The following RXYLT1 variants were observed in gnomAD, a reference collection of about 807,000 sequenced individuals.
RXYLT1 encodes the protein ribitol-5-phosphate xylosyltransferase 1.
A neutral mutation model predicts 43.5 loss-of-function variants in RXYLT1; 41 were observed. The observed-to-expected ratio is 0.94, with a 90% CI of 0.73 to 1.22. The LOEUF is 1.22. Among genes scored for constraint, RXYLT1 ranks in the 50% most tolerant of loss-of-function variants. The pLI is 0.00. For missense variants in RXYLT1, 514 were observed against 532.0 expected (o/e 0.97, Z 0.33); for synonymous variants, 166 against 194.4 (o/e 0.85, Z 1.21).
intron 3 of RXYLT1, chr12:63,795,694 G>C (rs1898016618): frequency 1.3e-5 from 2 of 151,236 alleles, no homozygotes; most frequent in Non-Finnish European, 2.9e-5. Flanking sequence ...TATAATAATT[G>C]AACCCAATAT....
At chr12:63,792,079 C>T (rs1251208591) in intron 3 of RXYLT1, among the ~76,000 whole-genome samples, 3 of 152,180 alleles carry the variant, frequency 2.0e-5, no homozygotes, top group Non-Finnish European at 4.4e-5. Flanking sequence ...TCAAGCACTA[C>T]ACTCTTGACT....
At position 63,802,642 on chromosome 12, in the gene RXYLT1, A is replaced by G. The variant is rs113670193; in HGVS notation, c.743+237A>G. 0.013 allele frequency among the ~76,000 whole-genome samples: 2,033 copies of G among 152,216 alleles called. 14 individuals are homozygous for G. Among genetic ancestry groups the G allele is most frequent in the Non-Finnish European group, 0.018 (1,232 of 68,012 alleles). Reference sequence around the variant, plus strand: ...GTTACTTTTTTTCTTTTAAAACCCCAAGGCATAGAATGGATTTTTCAAGCT... The same window carrying G: ...GTTACTTTTTTTCTTTTAAAACCCCGAGGCATAGAATGGATTTTTCAAGCT... On this transcript the variant is annotated intron_variant, in intron 4 of 5. Transcript: ENST00000261234.
intron 3 of RXYLT1, among the ~76,000 whole-genome samples, chr12:63,793,264 T>C (rs1024956515): frequency 1.3e-5 from 2 of 152,260 alleles, no homozygotes; most frequent in Non-Finnish European, 1.5e-5. Context: ...GATTTAACTT[T>C]TGCACATCTA....
intron 3 of RXYLT1, among the ~76,000 whole-genome samples, chr12:63,792,680 T>A (rs527316609): frequency 9.2e-5 from 14 of 152,308 alleles, no homozygotes; most frequent in Admixed American, 3.9e-4. Context: ...TCCAGGGGCT[T>A]TTACAGATAT....
chr12:63,798,646 G>A (rs952290293), intron 3 of RXYLT1, among the ~76,000 whole-genome samples: 2 of 152,162 alleles, frequency 1.3e-5, no homozygotes, highest in African/African-American at 4.8e-5. Context: ...AAGCAGTACA[G>A]TTTCAACATT....
Position 63,798,346 on chromosome 12 carries a change from T to A in RXYLT1, c.429-3745T>A, listed in dbSNP as rs1458979087. On this transcript the variant is annotated intron_variant, in intron 3 of 5. Transcript: ENST00000261234. ...CTCCACTTCATTCATTATTGCTTTA[T>A]CACCTTCTCTTCAAAACTTTCAGAA... Among the ~76,000 whole-genome samples the A allele has an allele frequency of 1.3e-5, 2 of 152,240 alleles. 1 individual carries two copies. Among genetic ancestry groups the A allele is most frequent in the African/African-American group, 4.8e-5 (2 of 41,456 alleles).
At chr12:63,793,792 T>C (rs1897969610) in intron 3 of RXYLT1, among the ~76,000 whole-genome samples, 1 of 152,242 alleles carries the variant, frequency 6.6e-6, no homozygotes, top group African/African-American at 2.4e-5. Flanking sequence ...TTATTTTCTC[T>C]TCAGAACACA....
At chr12:63,796,737 T>TA (rs1161376563) in intron 3 of RXYLT1, among the ~76,000 whole-genome samples, 5 of 151,830 alleles carry the variant, frequency 3.3e-5, no homozygotes, top group African/African-American at 9.7e-5. Flanking sequence ...AATAAATACA[T>TA]AAAAAACAAC....
chr12:63,798,386 C>T (rs1171552166), intron 3 of RXYLT1, among the ~76,000 whole-genome samples: 1 of 152,226 alleles, frequency 6.6e-6, no homozygotes, highest in Non-Finnish European at 1.5e-5. Context: ...TGTCTATACT[C>T]ACTGTAATCA....
chr12:63,780,300 A>G, intron 1 of RXYLT1, 171 bp downstream of exon 1: 1 of 1,354,450 alleles, frequency 7.4e-7, no homozygotes, highest in South Asian at 1.8e-5. Context: ...GGAATTGGAG[A>G]ATGGTCCTCA....
chr12:63,784,062 T>A (rs559763131), intron 2 of RXYLT1, among the ~76,000 whole-genome samples: 49 of 152,186 alleles, frequency 3.2e-4, no homozygotes, highest in Non-Finnish European at 3.4e-4. Context: ...TATAATAATC[T>A]CTTCACCTCA....
chr12:63,792,699 TG>T (rs1220611992), intron 3 of RXYLT1, among the ~76,000 whole-genome samples: 1 of 152,206 alleles, frequency 6.6e-6, no homozygotes. Context: ...ATTAGCTCAG[TG>T]AATTTTAATC....
intron 3 of RXYLT1, among the ~76,000 whole-genome samples, chr12:63,789,837 G>A (rs1897884968): frequency 6.6e-6 from 1 of 152,022 alleles, no homozygotes; most frequent in Non-Finnish European, 1.5e-5. Context: ...CAACTACATG[G>A]GTACTAACTT....
chr12:63,796,114 T>C (rs1565903643), intron 3 of RXYLT1, among the ~76,000 whole-genome samples: 1 of 152,248 alleles, frequency 6.6e-6, no homozygotes, highest in Non-Finnish European at 1.5e-5. Flanking sequence ...TTCATATCTC[T>C]TTGGCTTCAG....
At chr12:63,786,721 G>A (rs547514832) in intron 3 of RXYLT1, among the ~76,000 whole-genome samples, 2 of 152,240 alleles carry the variant, frequency 1.3e-5, no homozygotes, top group East Asian at 3.9e-4. Context: ...CAACAATGAA[G>A]TTTGCCACAT....
At chr12:63,805,752 G>T (rs1446665731) in intron 5 of RXYLT1, 1 of 165,868 alleles carries the variant, frequency 6.0e-6, no homozygotes, top group Non-Finnish European at 1.3e-5. Context: ...GACCAATTCA[G>T]TGTTCCAAGA....
intron 3 of RXYLT1, chr12:63,795,452 G>C (rs1463888983): frequency 6.6e-6 from 1 of 151,266 alleles, no homozygotes; most frequent in East Asian, 1.9e-4. Context: ...AAAACTTTGT[G>C]CGTGGCAGCA....
At chr12:63,790,079 G>T (rs535098791) in intron 3 of RXYLT1, among the ~76,000 whole-genome samples, 284 of 152,274 alleles carry the variant, frequency 1.9e-3, no homozygotes, top group African/African-American at 6.6e-3. Flanking sequence ...GGCTCATCAG[G>T]CTCAGGAATG....
At chr12:63,806,764 A>G (rs1898302590) in intron 5 of RXYLT1, 1 of 152,270 alleles carries the variant, frequency 6.6e-6, no homozygotes, top group African/African-American at 2.4e-5. Context: ...ATGTCAGCAG[A>G]CAAAACCATC....
Sources: allele counts gnomAD v4.1 joint callset (sites outside exome capture counted in the v4.1 genomes callset), GRCh38; gene constraint gnomAD v4.1.1; transcripts MANE v1.5; gene names NCBI Gene and HGNC (gene_info 2026-07-23, HGNC 2026-07-21).